Variants in FRMPD4 observed in about 807,000 individuals in gnomAD.
FRMPD4 encodes FERM and PDZ domain containing 4.
A neutral mutation model predicts 94.1 loss-of-function variants in FRMPD4; 22 were observed. That is an observed-to-expected ratio of 0.23 (90% CI 0.17 to 0.33). The LOEUF is 0.33. Among genes scored for constraint, FRMPD4 ranks in the 10% least tolerant of loss-of-function variants. FRMPD4 has a pLI of 1.00. For missense variants in FRMPD4, 1,111 were observed against 1,339.9 expected (o/e 0.83, Z 2.67); for synonymous variants, 631 against 548.6 (o/e 1.15, Z -2.10).
At chrX:12,400,346 G>A (rs2056594021) in intron 1 of FRMPD4, among the ~76,000 whole-genome samples, 1 of 112,161 alleles carries the variant, frequency 8.9e-6, no homozygotes, top group South Asian at 3.7e-4. Flanking sequence ...TGGGCAGTCT[G>A]CCTAAAGCAG....
chrX:12,049,997 A>G (rs2054808109), intron 3 of FRMPD4, among the ~76,000 whole-genome samples: 1 of 112,431 alleles, frequency 8.9e-6, no homozygotes, highest in Admixed American at 9.4e-5. Flanking sequence ...GTTAAAGTTT[A>G]AAGCTAAGAG....
chrX:12,001,523 A>T (rs894498440), intron 3 of FRMPD4, among the ~76,000 whole-genome samples: 1 of 112,196 alleles, frequency 8.9e-6, no homozygotes, highest in Non-Finnish European at 1.9e-5. Flanking sequence ...AGTATGGACA[A>T]ATATTGATTC....
At chrX:12,504,451 G>A (rs768714683) in intron 2 of FRMPD4, among the ~76,000 whole-genome samples, 2 of 112,641 alleles carry the variant, frequency 1.8e-5, no homozygotes, top group Non-Finnish European at 3.8e-5. Flanking sequence ...GTCAAGGGGA[G>A]GAAAGTATAT....
At chrX:12,055,947 A>T (rs2054851866) in intron 3 of FRMPD4, among the ~76,000 whole-genome samples, 1 of 111,925 alleles carries the variant, frequency 8.9e-6, no homozygotes, top group African/African-American at 3.2e-5. Flanking sequence ...GTTATAGTGA[A>T]TAAAATAAAG....
intron 13 of FRMPD4, among the ~76,000 whole-genome samples, chrX:12,708,417 C>T (rs1047895460): frequency 3.9e-5 from 4 of 102,620 alleles, no homozygotes; most frequent in Non-Finnish European, 5.9e-5. Context: ...TCCAGTGAGC[C>T]GAGATCGTGC....
intron 1 of FRMPD4, among the ~76,000 whole-genome samples, chrX:12,142,029 C>T (rs1434078270): frequency 1.8e-5 from 2 of 111,722 alleles, no homozygotes; most frequent in African/African-American, 6.5e-5. Flanking sequence ...AGATCCAAAA[C>T]TCATAGGGAT....
chrX:11,952,333 G>T (rs1403206553), intron 3 of FRMPD4, among the ~76,000 whole-genome samples: 1 of 112,098 alleles, frequency 8.9e-6, no homozygotes, highest in Non-Finnish European at 1.9e-5. Context: ...TCTTGAAGCC[G>T]CAAAATCAAC....
Position 12,043,824 on chromosome X carries a change from T to A in FRMPD4, c.95+165806T>A, listed in dbSNP as rs755460148. ...CATAGTCTTATTTAGCAAAATTATTTTTTTTTCACTGCATGTTATTCTCTA... is the reference window on the plus strand; with the variant it reads ...CATAGTCTTATTTAGCAAAATTATTATTTTTTCACTGCATGTTATTCTCTA... On this transcript the variant is annotated intron_variant, in intron 3 of 18. Coordinates refer to the FRMPD4 transcript ENST00000640291. Among the ~76,000 whole-genome samples the A allele has an allele frequency of 4.5e-5, 5 of 112,004 alleles. No individual in the cohort carries two copies. The South Asian group carries it at 1.1e-3, about 25-fold the overall frequency.
chrX:12,041,680 T>C lies in FRMPD4; in HGVS notation c.95+163662T>C, dbSNP rs1409381520. On this transcript the variant is annotated intron_variant, in intron 3 of 18. Transcript: ENST00000640291. Reference sequence around the variant, plus strand: ...GGGCTGATTGAGCTTCTTGGATCTATAAATTAAGGTTTTTCATCTAACTTG... The same window carrying C: ...GGGCTGATTGAGCTTCTTGGATCTACAAATTAAGGTTTTTCATCTAACTTG... Among the ~76,000 whole-genome samples, 29 of 110,973 alleles carry C rather than the reference T, an allele frequency of 2.6e-4. No individual in the cohort carries two copies. The Admixed American group carries it at 2.7e-3, about 10-fold the overall frequency.
At chrX:12,490,388 G>A (rs1396970099) in intron 1 of FRMPD4, among the ~76,000 whole-genome samples, 1 of 111,149 alleles carries the variant, frequency 9.0e-6, no homozygotes, top group Non-Finnish European at 1.9e-5. Context: ...GTAGATGCTA[G>A]GCTAGAAGAA....
chrX:12,060,044 T>C (rs1008904186), intron 3 of FRMPD4, among the ~76,000 whole-genome samples: 3 of 111,481 alleles, frequency 2.7e-5, no homozygotes, highest in Non-Finnish European at 3.8e-5. Flanking sequence ...CTATGACACC[T>C]TGGAGAGAAT....
chrX:12,716,001 T>TGGGCCCCCCCCCCCCC, intron 14 of FRMPD4, 68 bp from the exon 15 acceptor site: 2 of 231,650 alleles, frequency 8.6e-6, no homozygotes, highest in East Asian at 8.5e-5. Context: ...GAGACGAGCC[T>TGGGCCCCCCCCCCCCC]CCCACCCCCG....
intron 2 of FRMPD4, among the ~76,000 whole-genome samples, chrX:12,534,629 G>C (rs780758131): frequency 1.8e-5 from 2 of 112,637 alleles, no homozygotes; most frequent in Non-Finnish European, 3.8e-5. Flanking sequence ...GGTAGTCAAA[G>C]AGATCATTTT....
At chrX:12,664,710 G>A (rs939101063) in intron 4 of FRMPD4, among the ~76,000 whole-genome samples, 1 of 111,554 alleles carries the variant, frequency 9.0e-6, no homozygotes, top group Non-Finnish European at 1.9e-5. Flanking sequence ...GGACGATGCT[G>A]GCCTCATAAA....
Position 12,723,588 on chromosome X carries a change from A to C in FRMPD4, c.*1730A>C, listed in dbSNP as rs1323292202. On this transcript the variant is annotated 3_prime_UTR_variant, in exon 17 of 17. Coordinates refer to ENST00000675598, the MANE Select transcript of FRMPD4 (RefSeq NM_001368397.1). ...TGGTGTTTTGATATTGAGAGATATTAGTGGTGTTTACTGTGGAAAATCTTA... is the reference window on the plus strand; with the variant it reads ...TGGTGTTTTGATATTGAGAGATATTCGTGGTGTTTACTGTGGAAAATCTTA... 1.8e-5 allele frequency: 2 copies of C among 112,247 alleles called. No homozygotes were observed. The highest frequency in any genetic ancestry group is 3.8e-5 in the Non-Finnish European group (2 of 53,283). 9.3% of individuals were successfully genotyped at this position (112,247 alleles called of 1,213,427 possible). A position where few individuals can be genotyped will look rare whatever the true frequency, so the allele number is the denominator to read the frequency against.
intron 1 of FRMPD4, among the ~76,000 whole-genome samples, chrX:12,157,293 G>A (rs2055950375): frequency 8.9e-6 from 1 of 111,935 alleles, no homozygotes; most frequent in South Asian, 3.7e-4. Context: ...CGAGGGTTGT[G>A]GATGTGTGAT....
intron 2 of FRMPD4, among the ~76,000 whole-genome samples, chrX:12,507,866 C>T (rs2058001559): frequency 9.0e-6 from 1 of 111,504 alleles, no homozygotes; most frequent in African/African-American, 3.3e-5. Context: ...GGTGGGTGTT[C>T]ACAGGGAGGA....
At chrX:12,243,668 G>A (rs2053910456) in intron 1 of FRMPD4, among the ~76,000 whole-genome samples, 1 of 108,533 alleles carries the variant, frequency 9.2e-6, no homozygotes, top group African/African-American at 3.4e-5. Context: ...TTTTTTCCAT[G>A]GAAGTTTTTG....
intron 1 of FRMPD4, among the ~76,000 whole-genome samples, chrX:11,845,072 A>G (rs1296750468): frequency 9.1e-6 from 1 of 110,244 alleles, no homozygotes; most frequent in Non-Finnish European, 1.9e-5. Flanking sequence ...CTTTATTGAA[A>G]CTCTTCATTC....
Sources: gnomAD v4.1 joint callset for allele counts (sites outside exome capture counted in the v4.1 genomes callset) on GRCh38, gnomAD v4.1.1 for gene constraint, MANE v1.5 for transcripts, NCBI Gene and HGNC (gene_info 2026-07-23, HGNC 2026-07-21) for gene names.